KLHL13: variants seen among roughly 807,000 people sequenced by gnomAD.
KLHL13 encodes kelch-like protein 13.
Under a neutral mutation model 37.1 loss-of-function variants are expected in KLHL13, and 10 were observed. The observed-to-expected ratio is 0.27, with a 90% confidence interval of 0.17 to 0.46. The LOEUF (loss-of-function observed/expected upper bound fraction) is 0.46, where lower values mean the gene tolerates loss of function less well. KLHL13 is among the 20% of genes least tolerant of loss of function. The pLI, the probability that KLHL13 is intolerant of heterozygous loss-of-function variation, is 1.00. For synonymous variants in KLHL13, 163 were observed against 181.2 expected, an observed-to-expected ratio of 0.90 and a Z score of 0.81; for missense variants, 360 against 509.3, an observed-to-expected ratio of 0.71 and a Z score of 2.82.
At chrX:117,990,991 C>T (rs1210304148) in intron 1 of KLHL13, among the ~76,000 whole-genome samples, 1 of 110,417 alleles carries the variant, frequency 9.1e-6, no homozygotes, top group Non-Finnish European at 1.9e-5. Flanking sequence ...AAGAGCTTAT[C>T]TACAACATGG....
intron 1 of KLHL13, among the ~76,000 whole-genome samples, chrX:117,986,032 C>T (rs1274055014): frequency 9.0e-6 from 1 of 111,455 alleles, no homozygotes; most frequent in African/African-American, 3.3e-5. Context: ...ATTGAATTGG[C>T]TACATGTTAG....
intron 1 of KLHL13, among the ~76,000 whole-genome samples, chrX:118,061,866 C>T (rs1194416250): frequency 9.0e-6 from 1 of 111,236 alleles, no homozygotes; most frequent in African/African-American, 3.3e-5. Context: ...TTTCAAATTA[C>T]GAAATTCTAT....
intron 2 of KLHL13, among the ~76,000 whole-genome samples, chrX:117,943,315 C>A (rs1933144292): frequency 9.0e-6 from 1 of 110,751 alleles, no homozygotes; most frequent in African/African-American, 3.3e-5. Context: ...TGGGGTTGCT[C>A]TTCTTGAGGA....
intron 1 of KLHL13, among the ~76,000 whole-genome samples, chrX:117,958,143 A>G (rs1412200940): frequency 9.0e-6 from 1 of 111,194 alleles, no homozygotes; most frequent in Non-Finnish European, 1.9e-5. Context: ...ATGATACACA[A>G]TAGCCCCCAT....
chrX:117,922,353 G>A (rs1043628642), intron 2 of KLHL13, among the ~76,000 whole-genome samples: 2 of 111,656 alleles, frequency 1.8e-5, no homozygotes, highest in African/African-American at 6.5e-5. Flanking sequence ...CTAGGGTGTG[G>A]GAGAGGATAG....
At chrX:118,096,917 T>C (rs1047405204) in intron 1 of KLHL13, among the ~76,000 whole-genome samples, 1 of 111,473 alleles carries the variant, frequency 9.0e-6, no homozygotes, top group Non-Finnish European at 1.9e-5. Context: ...TAGGTATTGA[T>C]GGGACGTATC....
intron 2 of KLHL13, among the ~76,000 whole-genome samples, chrX:117,924,556 A>G (rs916999715): frequency 1.8e-5 from 2 of 112,154 alleles, no homozygotes; most frequent in African/African-American, 6.5e-5. Context: ...GTCTGTTTCC[A>G]TATGCTAGTA....
At chrX:118,030,811 A>C (rs897986089) in intron 1 of KLHL13, among the ~76,000 whole-genome samples, 2 of 111,465 alleles carry the variant, frequency 1.8e-5, no homozygotes, top group African/African-American at 3.3e-5. Flanking sequence ...AGCCTCTTTT[A>C]TCTTGAACGT....
chrX:118,050,413 A>G (rs2054601499), intron 1 of KLHL13, among the ~76,000 whole-genome samples: 1 of 112,147 alleles, frequency 8.9e-6, no homozygotes, highest in African/African-American at 3.2e-5. Context: ...TTCATCTTAC[A>G]AACATTCATT....
chrX:117,899,312 T>C, exon 7 of KLHL13: 1 of 1,211,272 alleles, frequency 8.3e-7, no homozygotes, highest in Non-Finnish European at 1.1e-6. Flanking sequence ...CTGACAGTGG[T>C]CATTGGCGCC....
At chrX:118,109,029 T>G (rs140579354) in intron 1 of KLHL13, among the ~76,000 whole-genome samples, 1,153 of 111,733 alleles carry the variant, frequency 0.01, 16 homozygotes, top group African/African-American at 0.035. Context: ...TTGCCCAGGA[T>G]GGTCTTGAAC....
chrX:118,056,089 A>C (rs1389495499), intron 1 of KLHL13, among the ~76,000 whole-genome samples: 1 of 112,010 alleles, frequency 8.9e-6, no homozygotes, highest in East Asian at 2.8e-4. Context: ...AATTGATGGA[A>C]GACTATTAGA....
At chrX:117,947,191 T>A (rs927791583) in intron 1 of KLHL13, 1 of 111,784 alleles carries the variant, frequency 8.9e-6, no homozygotes, top group African/African-American at 3.2e-5. Context: ...ACAGAATCAA[T>A]TGGAAAAGTC....
intron 1 of KLHL13, among the ~76,000 whole-genome samples, chrX:118,034,414 A>G: frequency 1.1e-5 from 1 of 93,718 alleles, no homozygotes; most frequent in African/African-American, 4.5e-5. Flanking sequence ...GTGCAATCAA[A>G]CTAGAACTCA....
intron 1 of KLHL13, among the ~76,000 whole-genome samples, chrX:118,105,192 C>G (rs1371101221): frequency 8.9e-6 from 1 of 112,648 alleles, no homozygotes; most frequent in Non-Finnish European, 1.9e-5. Context: ...TTCAAACTAT[C>G]TTTCCAACTT....
At chrX:117,942,817 A>C (rs1343472749) in intron 2 of KLHL13, among the ~76,000 whole-genome samples, 2 of 111,318 alleles carry the variant, frequency 1.8e-5, no homozygotes, top group African/African-American at 6.5e-5. Context: ...GGCATTTAGC[A>C]TATTTACATT....
At chrX:118,015,375 C>G (rs936358443) in intron 1 of KLHL13, among the ~76,000 whole-genome samples, 5 of 111,484 alleles carry the variant, frequency 4.5e-5, no homozygotes. Context: ...ATATGTATTA[C>G]TTGTAGAGTC....
At chrX:118,011,975 A>C (rs1005652953) in intron 1 of KLHL13, among the ~76,000 whole-genome samples, 8 of 112,458 alleles carry the variant, frequency 7.1e-5, no homozygotes, top group Admixed American at 6.6e-4. Flanking sequence ...TTTAAATAAC[A>C]AATAGCTAGT....
chrX:118,092,395 A>G (rs1208810747), intron 1 of KLHL13, among the ~76,000 whole-genome samples: 2 of 111,196 alleles, frequency 1.8e-5, no homozygotes, highest in Admixed American at 1.9e-4. Flanking sequence ...GAAGAGACAC[A>G]AAGGATTTTT....
Sources: gnomAD v4.1 joint callset for allele counts (sites outside exome capture counted in the v4.1 genomes callset) on GRCh38, gnomAD v4.1.1 for gene constraint, MANE v1.5 for transcripts, NCBI Gene and HGNC (gene_info 2026-07-23, HGNC 2026-07-21) for gene names.